SHISA9: variants seen among roughly 807,000 people sequenced by gnomAD.
The protein encoded by SHISA9 is shisa family member 9, also known as protein shisa-9.
SHISA9 carries 13 observed loss-of-function variants against 38.0 expected under a neutral mutation model. That is an observed-to-expected ratio of 0.34 (90% CI 0.22 to 0.54). The LOEUF (loss-of-function observed/expected upper bound fraction) is 0.54. Ranked by LOEUF, SHISA9 falls within the 20% of genes least tolerant of loss-of-function variation. The pLI is 0.91. For missense variants in SHISA9, 538 were observed against 575.8 expected (o/e 0.93, Z 0.67); for synonymous variants, 275 against 242.0 (o/e 1.14, Z -1.27).
intron 2 of SHISA9, among the ~76,000 whole-genome samples, chr16:13,059,121 C>CTTTTTTTT (rs3075088): frequency 1.3e-5 from 1 of 74,832 alleles, no homozygotes; most frequent in Non-Finnish European, 2.3e-5. Flanking sequence ...AAAACTCTAT[C>CTTTTTTTT]TTTTTTTTTT....
chr16:13,063,671 G>A (rs1041871402), intron 2 of SHISA9, among the ~76,000 whole-genome samples: 4 of 152,108 alleles, frequency 2.6e-5, no homozygotes, highest in African/African-American at 4.8e-5. Flanking sequence ...ACTTTCCAGC[G>A]AGAGTCAGTG....
At chr16:13,337,173 G>A in the SHISA9 span, among the ~76,000 whole-genome samples, 5 of 152,082 alleles carry the variant, frequency 3.3e-5, no homozygotes, top group Non-Finnish European at 7.4e-5. Flanking sequence ...ATATGGTTTC[G>A]CTGTGTCCCC....
the SHISA9 span, among the ~76,000 whole-genome samples, chr16:13,407,458 C>A: frequency 6.6e-6 from 1 of 152,156 alleles, no homozygotes; most frequent in African/African-American, 2.4e-5. Context: ...CCCCAAAAGG[C>A]CTCACCTCCA....
intron 2 of SHISA9, among the ~76,000 whole-genome samples, chr16:13,060,015 C>T (rs906098641): frequency 9.9e-5 from 15 of 152,162 alleles, no homozygotes; most frequent in African/African-American, 3.6e-4. Context: ...CAAACAAATA[C>T]AGGCAGTAAT....
chr16:13,029,469 G>A (rs535148398), intron 2 of SHISA9, among the ~76,000 whole-genome samples: 16 of 152,196 alleles, frequency 1.1e-4, no homozygotes, highest in Admixed American at 6.5e-4. Flanking sequence ...TTAACTGGAC[G>A]TGGTGGCACA....
intron 1 of SHISA9, among the ~76,000 whole-genome samples, chr16:12,905,211 CACAT>C (rs1429709642): frequency 6.6e-6 from 1 of 152,164 alleles, no homozygotes; most frequent in African/African-American, 2.4e-5. Flanking sequence ...TTTTAATATT[CACAT>C]ACATGCAAGA....
intron 1 of SHISA9, among the ~76,000 whole-genome samples, chr16:12,907,449 G>C (rs527617618): frequency 3.2e-4 from 48 of 149,004 alleles, no homozygotes; most frequent in Non-Finnish European, 4.6e-4. Context: ...AAAATAAGTT[G>C]CAGACATGAC....
At chr16:13,555,849 G>T in the SHISA9 span, among the ~76,000 whole-genome samples, 63 of 151,878 alleles carry the variant, frequency 4.1e-4, 1 homozygote, top group South Asian at 1.7e-3. Context: ...GCCCCACAGT[G>T]CAGTTTGGCC....
the SHISA9 span, among the ~76,000 whole-genome samples, chr16:13,309,642 C>CAAAA: frequency 1.5e-5 from 1 of 65,860 alleles, no homozygotes; most frequent in Non-Finnish European, 3.0e-5. Context: ...GACTCAGTCT[C>CAAAA]AAAAAAAAAA....
At chr16:13,258,758 A>G in the SHISA9 span, among the ~76,000 whole-genome samples, 12 of 152,222 alleles carry the variant, frequency 7.9e-5, no homozygotes, top group Non-Finnish European at 1.5e-4. Context: ...AGATTTCATG[A>G]GACTTATTCA....
chr16:13,003,685 C>T (rs999797081), intron 2 of SHISA9, among the ~76,000 whole-genome samples: 2 of 152,004 alleles, frequency 1.3e-5, no homozygotes, highest in Non-Finnish European at 2.9e-5. Context: ...TGGTGAAACC[C>T]CATCTCTACT....
the SHISA9 span, among the ~76,000 whole-genome samples, chr16:13,372,255 G>C: frequency 6.6e-6 from 1 of 152,140 alleles, no homozygotes; most frequent in African/African-American, 2.4e-5. Context: ...AAACCTCAGA[G>C]TTATTAAAGT....
rs6145752 is a variant in SHISA9, at chr16:12,901,858, G to GGAGGCGAACGCGGGCT, written c.-187_-172dup. 1.5e-4 allele frequency: 26 copies of GGAGGCGAACGCGGGCT among 171,620 alleles called. No individual in the cohort carries two copies. Among genetic ancestry groups the GGAGGCGAACGCGGGCT allele is most frequent in the Non-Finnish European group, 2.5e-4 (21 of 84,444 alleles). 10.6% of individuals were successfully genotyped at this position (171,620 alleles called of 1,614,324 possible). Reference sequence around the variant, plus strand: ...CCGGCCCCTCGGCGCGCGGCGCGCTGGAGGCGAACGCGGGCTGAGGCGAAC... The same window carrying GGAGGCGAACGCGGGCT: ...CCGGCCCCTCGGCGCGCGGCGCGCTGGAGGCGAACGCGGGCTGAGGCGAACGCGGGCTGAGGCGAAC... On this transcript the variant is annotated 5_prime_UTR_variant, in exon 1 of 5. Coordinates refer to ENST00000558583, the MANE Select transcript of SHISA9 (RefSeq NM_001145204.3).
chr16:13,327,665 CT>C, the SHISA9 span, among the ~76,000 whole-genome samples: 14 of 151,140 alleles, frequency 9.3e-5, no homozygotes, highest in Non-Finnish European at 1.5e-4. Flanking sequence ...CAAGATTGCA[CT>C]TTTTTTTTGA....
chr16:12,913,732 C>T (rs774932733), intron 1 of SHISA9, among the ~76,000 whole-genome samples: 15 of 152,188 alleles, frequency 9.9e-5, no homozygotes, highest in Admixed American at 2.0e-4. Context: ...TTTGCCTGTT[C>T]TGGACATTGG....
chr16:13,408,017 T>G, the SHISA9 span, among the ~76,000 whole-genome samples: 1 of 152,206 alleles, frequency 6.6e-6, no homozygotes, highest in African/African-American at 2.4e-5. Flanking sequence ...GGGTTCTGGA[T>G]GGCTTCTCTG....
the SHISA9 span, among the ~76,000 whole-genome samples, chr16:13,363,832 C>T: frequency 6.6e-6 from 1 of 152,304 alleles, no homozygotes; most frequent in East Asian, 1.9e-4. Context: ...GATTACTATT[C>T]AAGGTCTCTA....
At chr16:13,057,485 A>G (rs546036870) in intron 2 of SHISA9, among the ~76,000 whole-genome samples, 2 of 152,082 alleles carry the variant, frequency 1.3e-5, no homozygotes, top group African/African-American at 4.8e-5. Flanking sequence ...ATCTCCAGGG[A>G]GGTTTATTAA....
the SHISA9 span, among the ~76,000 whole-genome samples, chr16:13,485,402 C>T: frequency 1.4e-4 from 21 of 152,116 alleles, no homozygotes; most frequent in Admixed American, 2.6e-4. Flanking sequence ...TGGTATTCCA[C>T]GGTGTATATA....
Sources: gnomAD v4.1 joint callset for allele counts (sites outside exome capture counted in the v4.1 genomes callset) on GRCh38, gnomAD v4.1.1 for gene constraint, MANE v1.5 for transcripts, NCBI Gene and HGNC (gene_info 2026-07-23, HGNC 2026-07-21) for gene names.